GRIN2A: variants seen among roughly 807,000 people sequenced by gnomAD.
GRIN2A encodes the protein glutamate receptor ionotropic, NMDA 2A.
A neutral mutation model predicts 113.4 loss-of-function variants in GRIN2A; 22 were observed. The observed-to-expected ratio is 0.19, with a 90% CI of 0.14 to 0.28. GRIN2A has a LOEUF of 0.28. Among genes scored for constraint, GRIN2A ranks in the 10% least tolerant of loss-of-function variants. GRIN2A has a pLI of 1.00. For synonymous variants in GRIN2A, 827 were observed against 738.4 expected, an observed-to-expected ratio of 1.12 and a Z score of -1.94; for missense variants, 1,502 against 1,887.0, an observed-to-expected ratio of 0.80 and a Z score of 3.78.
At chr16:9,860,691 G>A (rs994178950) in intron 4 of GRIN2A, among the ~76,000 whole-genome samples, 1 of 152,086 alleles carries the variant, frequency 6.6e-6, no homozygotes, top group African/African-American at 2.4e-5. Flanking sequence ...GGAGATGGCT[G>A]CAGGATCTGG....
At chr16:9,791,446 T>C (rs144431716) in intron 11 of GRIN2A, among the ~76,000 whole-genome samples, 222 of 152,270 alleles carry the variant, frequency 1.5e-3, no homozygotes, top group Admixed American at 9.2e-3. Flanking sequence ...ATTTCCCCAG[T>C]CCACACTGTC....
chr16:9,944,156 C>T lies in GRIN2A; in HGVS notation c.415-5605G>A, dbSNP rs2044959712. On this transcript the variant is annotated intron_variant, in intron 2 of 12. Coordinates refer to ENST00000330684, the MANE Select transcript of GRIN2A (RefSeq NM_001134407.3). ...ATAATGGAGGTAACTCAGCAACGAT[C>T]CAGAGAGACTCCTGGGGAATTTGCA... is the stretch of plus-strand genomic sequence containing the variant. Among the ~76,000 whole-genome samples the T allele has an allele frequency of 2.0e-5, 3 of 152,156 alleles. No homozygotes were observed. In the South Asian group the frequency reaches 6.2e-4, roughly 32 times the overall value.
intron 3 of GRIN2A, among the ~76,000 whole-genome samples, chr16:9,934,218 A>C (rs1044350332): frequency 1.3e-5 from 2 of 152,024 alleles, no homozygotes; most frequent in Non-Finnish European, 2.9e-5. Context: ...TTCTTTTTTC[A>C]ATATTAAAAA....
In GRIN2A at chr16:9,756,403, A is replaced by C; in HGVS notation, c.*6746T>G. ...AGTTCTCCATACACACAGATCAGGC[A>C]ATGAGGGGTAAGACCCTAACAGACT... On this transcript the variant is annotated 3_prime_UTR_variant, in exon 13 of 13. Coordinates refer to ENST00000330684, the MANE Select transcript of GRIN2A (RefSeq NM_001134407.3). The C allele has an allele frequency of 4.3e-6, 1 of 230,840 alleles. No homozygotes were observed. 14.3% of individuals were successfully genotyped at this position (230,840 alleles called of 1,614,324 possible). A position where few individuals can be genotyped will look rare whatever the true frequency, so the allele number is the denominator to read the frequency against.
chr16:10,122,254 G>T (rs1482528299), intron 2 of GRIN2A, among the ~76,000 whole-genome samples: 1 of 152,184 alleles, frequency 6.6e-6, no homozygotes, highest in African/African-American at 2.4e-5. Flanking sequence ...GGCTACAGGA[G>T]AAACCTGGCA....
intron 4 of GRIN2A, among the ~76,000 whole-genome samples, chr16:9,884,750 CT>C (rs34469635): frequency 0.035 from 4,368 of 125,220 alleles, 184 homozygotes; most frequent in African/African-American, 0.12. Context: ...TAGAGAATTT[CT>C]TTTTTTTTTT....
intron 2 of GRIN2A, among the ~76,000 whole-genome samples, chr16:10,026,904 G>A (rs1256723707): frequency 4.6e-5 from 7 of 152,148 alleles, no homozygotes; most frequent in Non-Finnish European, 5.9e-5. Context: ...AAACGATCAA[G>A]TTCTCTCCTA....
intron 2 of GRIN2A, among the ~76,000 whole-genome samples, chr16:10,051,195 A>G (rs924344756): frequency 6.6e-6 from 1 of 152,186 alleles, no homozygotes; most frequent in Non-Finnish European, 1.5e-5. Context: ...TTTTGGTGCT[A>G]TAAGGTCATG....
At chr16:10,007,653 G>A (rs765497892) in intron 2 of GRIN2A, among the ~76,000 whole-genome samples, 17 of 151,954 alleles carry the variant, frequency 1.1e-4, no homozygotes, top group Middle Eastern at 3.4e-3. Context: ...TGCCCATTTT[G>A]CTTTGGTTGC....
At chr16:9,914,959 C>G (rs1369774692) in intron 3 of GRIN2A, among the ~76,000 whole-genome samples, 1 of 83,558 alleles carries the variant, frequency 1.2e-5, no homozygotes, top group African/African-American at 4.4e-5. Flanking sequence ...TTTAATGAGA[C>G]GGAATCTCAC....
chr16:9,821,021 C>T (rs372709151), intron 10 of GRIN2A, among the ~76,000 whole-genome samples: 37 of 152,186 alleles, frequency 2.4e-4, no homozygotes, highest in African/African-American at 7.9e-4. Flanking sequence ...CCAAAACTAC[C>T]GGGATTTCTA....
At chr16:9,934,679 A>C (rs111295535) in intron 3 of GRIN2A, among the ~76,000 whole-genome samples, 141 of 27,170 alleles carry the variant, frequency 5.2e-3, no homozygotes, top group African/African-American at 0.033. Context: ...GACTCTGTCT[A>C]AAAAAAAAAA....
At chr16:9,798,856 G>A (rs1308040884) in intron 10 of GRIN2A, among the ~76,000 whole-genome samples, 2 of 151,970 alleles carry the variant, frequency 1.3e-5, no homozygotes, top group African/African-American at 4.8e-5. Flanking sequence ...TGTATGAAGG[G>A]GAAAGGAACT....
chr16:9,935,876 A>AT (rs1404270890), intron 3 of GRIN2A, among the ~76,000 whole-genome samples: 2 of 151,980 alleles, frequency 1.3e-5, no homozygotes, highest in Admixed American at 1.3e-4. Context: ...TAACATTTGT[A>AT]TTTTTAGTAT....
chr16:9,992,143 T>C (rs563536328), intron 2 of GRIN2A, among the ~76,000 whole-genome samples: 3 of 152,332 alleles, frequency 2.0e-5, no homozygotes, highest in African/African-American at 7.2e-5. Flanking sequence ...TTACCTTTTA[T>C]GGCTCAGTAG....
intron 2 of GRIN2A, among the ~76,000 whole-genome samples, chr16:9,971,706 G>T (rs1056492358): frequency 1.4e-4 from 21 of 152,120 alleles, no homozygotes; most frequent in Non-Finnish European, 3.1e-4. Context: ...CAGTGTAGAA[G>T]TTTAAGAAAA....
chr16:10,047,053 G>A (rs940975648), intron 2 of GRIN2A, among the ~76,000 whole-genome samples: 52 of 152,278 alleles, frequency 3.4e-4, no homozygotes, highest in Admixed American at 2.9e-3. Flanking sequence ...CTTCACTCAT[G>A]ACAACCAAAG....
chr16:10,017,733 C>T (rs1403182926), intron 2 of GRIN2A, among the ~76,000 whole-genome samples: 1 of 151,924 alleles, frequency 6.6e-6, no homozygotes, highest in Non-Finnish European at 1.5e-5. Flanking sequence ...CCTTTGGGTG[C>T]AACATTTAAG....
intron 3 of GRIN2A, among the ~76,000 whole-genome samples, chr16:9,922,407 A>G (rs182464418): frequency 3.5e-4 from 54 of 152,288 alleles, no homozygotes; most frequent in Non-Finnish European, 5.9e-5. Context: ...AATGTCTTAA[A>G]TCTTAGTTTG....
Sources: allele counts gnomAD v4.1 joint callset (sites outside exome capture counted in the v4.1 genomes callset), GRCh38; gene constraint gnomAD v4.1.1; transcripts MANE v1.5; gene names NCBI Gene and HGNC (gene_info 2026-07-23, HGNC 2026-07-21).